Variants in OPCML observed in about 807,000 individuals in gnomAD.
OPCML encodes the protein opioid binding protein/cell adhesion molecule like.
OPCML carries 13 observed loss-of-function variants against 37.8 expected under a neutral mutation model. The ratio of observed to expected loss-of-function variants is 0.34; its 90% CI spans 0.22 to 0.55. The LOEUF (loss-of-function observed/expected upper bound fraction) is 0.55, where lower values mean the gene tolerates loss of function less well. OPCML is among the 20% of genes least tolerant of loss of function. OPCML has a pLI of 0.91. For missense variants in OPCML, 341 were observed against 435.6 expected (o/e 0.78, Z 1.93); for synonymous variants, 176 against 168.8 (o/e 1.04, Z -0.33).
At chr11:132,953,622 T>G (rs1279384102) in intron 1 of OPCML, among the ~76,000 whole-genome samples, 1 of 152,114 alleles carries the variant, frequency 6.6e-6, no homozygotes, top group Non-Finnish European at 1.5e-5. Context: ...ATTATTACAG[T>G]CTTACCCCTC....
chr11:133,198,533 G>T (rs79294518), intron 1 of OPCML, among the ~76,000 whole-genome samples: 51 of 152,230 alleles, frequency 3.4e-4, no homozygotes, highest in Non-Finnish European at 7.3e-5. Flanking sequence ...AGAACTTCAC[G>T]ATTGGGAACT....
At chr11:133,164,968 T>C (rs981539838) in intron 1 of OPCML, among the ~76,000 whole-genome samples, 5 of 152,224 alleles carry the variant, frequency 3.3e-5, no homozygotes, top group Non-Finnish European at 4.4e-5. Flanking sequence ...GCTCCTTGGA[T>C]GCCTAATGTT....
rs570825003 is a variant in OPCML at position 132,649,726 on chromosome 11, C to T, written c.379+7361G>A. ...CATTGAACATGTATATGTGTATATC[C>T]AAGCATATATATGTGTATCTTTATA... On this transcript the variant is annotated intron_variant, in intron 3 of 7. Transcript: ENST00000524381. Among the ~76,000 whole-genome samples, 76 of 152,032 alleles carry T rather than the reference C, an allele frequency of 5.0e-4. No individual in the cohort carries two copies. The South Asian group carries it at 0.016, about 32-fold the overall frequency.
chr11:132,877,514 C>A (rs1461302758), intron 2 of OPCML, among the ~76,000 whole-genome samples: 2 of 152,144 alleles, frequency 1.3e-5, no homozygotes, highest in East Asian at 1.9e-4. Context: ...TAGGAAGGGG[C>A]AGCAGGGGAA....
chr11:132,994,095 C>T (rs1371426978), intron 1 of OPCML, among the ~76,000 whole-genome samples: 3 of 152,220 alleles, frequency 2.0e-5, no homozygotes. Context: ...ACTTTCCTTA[C>T]TGCTGCACGT....
intron 1 of OPCML, among the ~76,000 whole-genome samples, chr11:133,383,642 C>T (rs1471165012): frequency 6.6e-6 from 1 of 152,090 alleles, no homozygotes; most frequent in South Asian, 2.1e-4. Flanking sequence ...GCATGAATAA[C>T]GTGCGTCTTC....
rs534608260 is a variant in OPCML, at chr11:132,643,746, T to A, written c.379+13341A>T. ...CCAGGGCTAACTCAGACTCTTTTAT[T>A]AAGGGGAACATCCAGTGTCAAACTC... On this transcript the variant is annotated intron_variant, in intron 3 of 7. Transcript: ENST00000524381. 2.0e-5 allele frequency among the ~76,000 whole-genome samples: 3 copies of A among 152,298 alleles called. No homozygotes were observed. In the East Asian group the frequency reaches 5.8e-4, roughly 29 times the overall value.
At chr11:133,202,619 C>T (rs965962634) in intron 1 of OPCML, among the ~76,000 whole-genome samples, 1 of 152,202 alleles carries the variant, frequency 6.6e-6, no homozygotes, top group Non-Finnish European at 1.5e-5. Flanking sequence ...CCCTTGTTTT[C>T]GATGATTTCA....
At chr11:133,138,327 AT>A (rs1949721477) in intron 1 of OPCML, among the ~76,000 whole-genome samples, 1 of 152,154 alleles carries the variant, frequency 6.6e-6, no homozygotes, top group African/African-American at 2.4e-5. Context: ...TTGCTTTTAA[AT>A]TTCCCAGCCT....
intron 2 of OPCML, among the ~76,000 whole-genome samples, chr11:132,735,482 T>C (rs1945222398): frequency 1.3e-5 from 2 of 151,924 alleles, no homozygotes; most frequent in Admixed American, 6.6e-5. Context: ...AAAATAATTG[T>C]TGTTGTTGTT....
intron 2 of OPCML, among the ~76,000 whole-genome samples, chr11:132,867,105 C>A (rs1942595104): frequency 6.6e-6 from 1 of 152,318 alleles, no homozygotes; most frequent in African/African-American, 2.4e-5. Flanking sequence ...AGAGAAAAAT[C>A]TCAAAAAGTT....
chr11:133,426,371 A>G (rs1274353642), intron 1 of OPCML, among the ~76,000 whole-genome samples: 2 of 152,190 alleles, frequency 1.3e-5, no homozygotes, highest in Admixed American at 6.5e-5. Context: ...CACTGCAGGA[A>G]AAAAGGAAAA....
chr11:133,156,318 G>T (rs1273736544), intron 1 of OPCML, among the ~76,000 whole-genome samples: 1 of 152,142 alleles, frequency 6.6e-6, no homozygotes, highest in Non-Finnish European at 1.5e-5. Context: ...CCACCTGGAG[G>T]CACAGATTTC....
At chr11:132,430,326 T>G (rs2095992383) in intron 7 of OPCML, among the ~76,000 whole-genome samples, 1 of 152,020 alleles carries the variant, frequency 6.6e-6, no homozygotes, top group Non-Finnish European at 1.5e-5. Flanking sequence ...GCAGCGGCGA[T>G]GAGGGCTCTG....
intron 1 of OPCML, among the ~76,000 whole-genome samples, chr11:133,333,239 A>G (rs1487644324): frequency 6.6e-6 from 1 of 152,110 alleles, no homozygotes; most frequent in Admixed American, 6.6e-5. Context: ...TTGTATTTTT[A>G]GTAGAGACTG....
chr11:132,749,231 G>T (rs922427321), intron 2 of OPCML, among the ~76,000 whole-genome samples: 2 of 152,182 alleles, frequency 1.3e-5, no homozygotes, highest in Non-Finnish European at 1.5e-5. Context: ...CCAGCTTCCA[G>T]GGCTGTGAGA....
chr11:133,507,271 T>C (rs1948054892), intron 1 of OPCML, among the ~76,000 whole-genome samples: 2 of 152,192 alleles, frequency 1.3e-5, no homozygotes, highest in South Asian at 4.1e-4. Flanking sequence ...CACCTCCCTC[T>C]GTGGAGCAGG....
chr11:133,423,436 T>C lies in OPCML; in HGVS notation c.61+108828A>G, dbSNP rs899736328. The C allele has an allele frequency of 9.1e-6, 9 of 985,190 alleles. No homozygotes were observed. The Admixed American group carries it at 4.3e-4, about 47-fold the overall frequency. 61.0% of individuals were successfully genotyped at this position (985,190 alleles called of 1,614,324 possible). A position where few individuals can be genotyped will look rare whatever the true frequency, so the allele number is the denominator to read the frequency against. ...CTCAGAGAGTTCCGCCTGCAATGCA[T>C]CTGCAGGCAAATCACTGAAATTCTC... On this transcript the variant is annotated intron_variant, in intron 1 of 7. Coordinates refer to ENST00000524381, the MANE Select transcript of OPCML (RefSeq NM_001012393.5).
At chr11:133,269,425 C>T (rs1181849617) in intron 1 of OPCML, among the ~76,000 whole-genome samples, 2 of 152,238 alleles carry the variant, frequency 1.3e-5, no homozygotes, top group African/African-American at 2.4e-5. Flanking sequence ...AGAACAGTTA[C>T]TCTGGGGATT....
Sources: allele counts gnomAD v4.1 joint callset (sites outside exome capture counted in the v4.1 genomes callset), GRCh38; gene constraint gnomAD v4.1.1; transcripts MANE v1.5; gene names NCBI Gene and HGNC (gene_info 2026-07-23, HGNC 2026-07-21).